The following DDI2 variants were observed in gnomAD, a reference collection of about 807,000 sequenced individuals.
DDI2 encodes protein DDI1 homolog 2.
A neutral mutation model predicts 48.1 loss-of-function variants in DDI2; 5 were observed. That is an observed-to-expected ratio of 0.10 (90% CI 0.05 to 0.22). The LOEUF (loss-of-function observed/expected upper bound fraction) is 0.22, where lower values mean the gene tolerates loss of function less well. Among genes scored for constraint, DDI2 ranks in the 10% least tolerant of loss-of-function variants. The pLI is 1.00. For missense variants in DDI2, 285 were observed against 506.2 expected, an observed-to-expected ratio of 0.56 and a Z score of 4.19; for synonymous variants, 205 against 183.6, an observed-to-expected ratio of 1.12 and a Z score of -0.94.
intron 8 of DDI2, among the ~76,000 whole-genome samples, chr1:15,652,146 T>C (rs369593050): frequency 3.3e-4 from 49 of 148,752 alleles, no homozygotes; most frequent in African/African-American, 1.1e-3. Flanking sequence ...ATGATTGTAG[T>C]TCACTGCACC....
intron 1 of DDI2, among the ~76,000 whole-genome samples, chr1:15,622,904 G>C (rs1379990145): frequency 1.3e-5 from 2 of 152,168 alleles, no homozygotes; most frequent in East Asian, 3.8e-4. Flanking sequence ...CTGCTGCTTC[G>C]TCAGTGTGAG....
At chr1:15,651,962 A>G (rs1640190321) in intron 8 of DDI2, 67 bp downstream of exon 8, 3 of 1,503,134 alleles carry the variant, frequency 2.0e-6, no homozygotes, top group African/African-American at 1.4e-5. Flanking sequence ...TGTGGGCTTC[A>G]GAAGGGGTAG....
chr1:15,655,118 G>GTCC (rs1640252107), intron 8 of DDI2, among the ~76,000 whole-genome samples: 1 of 152,110 alleles, frequency 6.6e-6, no homozygotes, highest in Non-Finnish European at 1.5e-5. Flanking sequence ...GCTTAGTGAA[G>GTCC]GGGATGTACC....
chr1:15,638,167 G>A (rs180770234), intron 4 of DDI2, 140 bp from the exon 5 acceptor site: 1 of 1,171,668 alleles, frequency 8.5e-7, no homozygotes, highest in African/African-American at 1.6e-5. Flanking sequence ...GCCCCATATA[G>A]CACCAATTTT....
Position 15,643,578 on chromosome 1 carries a change from C to T in DDI2, c.817C>T (p.Leu273=). ...TGCAGAAAGGTGTAACATAATGAGA[C>T]TGGTGGACCGTCGGTGGGCAGGGAT... is the stretch of plus-strand genomic sequence containing the variant. ...ACAERCNIMR[L]VDRRWAGIAK... The change falls in exon 6 of 10, where the codon CTG becomes TTG. Residue 273 remains leucine (L), a synonymous_variant. Coordinates refer to ENST00000480945, the MANE Select transcript of DDI2 (RefSeq NM_032341.5). 2 of 1,614,154 alleles carry T rather than the reference C, an allele frequency of 1.2e-6. No homozygotes were observed. Among genetic ancestry groups the T allele is most frequent in the Middle Eastern group, 1.6e-4 (1 of 6,062 alleles).
chr1:15,645,033 G>A (rs372268155), intron 6 of DDI2, among the ~76,000 whole-genome samples: 1 of 152,226 alleles, frequency 6.6e-6, no homozygotes, highest in Non-Finnish European at 1.5e-5. Context: ...CGGGTCACAG[G>A]CGTGCACCAC....
chr1:15,650,693 A>C (rs1640164096), intron 7 of DDI2, among the ~76,000 whole-genome samples: 1 of 152,210 alleles, frequency 6.6e-6, no homozygotes, highest in Admixed American at 6.5e-5. Context: ...GTGCCACTAC[A>C]CTTCAGCCTG....
chr1:15,638,724 G>A (rs1639963639), intron 5 of DDI2, among the ~76,000 whole-genome samples: 1 of 151,832 alleles, frequency 6.6e-6, no homozygotes. Flanking sequence ...TAGTAGAGAT[G>A]GGGTTTCACC....
intron 5 of DDI2, among the ~76,000 whole-genome samples, chr1:15,640,015 CG>C (rs201856875): frequency 2.7e-5 from 4 of 146,334 alleles, no homozygotes; most frequent in Admixed American, 6.8e-5. Flanking sequence ...ACCCTGCCTT[CG>C]GGGGAAAAAA....
At chr1:15,626,648 G>C (rs1383412383) in intron 1 of DDI2, 21 bp from the exon 2 acceptor site, 1 of 1,613,996 alleles carries the variant, frequency 6.2e-7, no homozygotes, top group Non-Finnish European at 8.5e-7. Context: ...TTATACTGTT[G>C]TATATCTTTT....
At chr1:15,633,398 AAT>A (rs1320000989) in intron 3 of DDI2, 39 bp from the exon 4 acceptor site, 1 of 1,604,042 alleles carries the variant, frequency 6.2e-7, no homozygotes. Context: ...AAACGTTGAA[AAT>A]ATAGTGATAT....
At chr1:15,625,825 G>A (rs974279546) in intron 1 of DDI2, among the ~76,000 whole-genome samples, 1 of 152,158 alleles carries the variant, frequency 6.6e-6, no homozygotes, top group Non-Finnish European at 1.5e-5. Context: ...CACCATGTTG[G>A]CCAGGCTGGT....
At position 15,640,478 on chromosome 1, in the gene DDI2, G is replaced by A. The variant is rs761637057; in HGVS notation, c.760+2044G>A. ...TGGTGGGCTTTGGATTCAGCCCCAG[G>A]TCCCCTTGATGCCAGAAATCTCAAC... On this transcript the variant is annotated intron_variant, in intron 5 of 9. Coordinates refer to ENST00000480945, the MANE Select transcript of DDI2 (RefSeq NM_032341.5). Among the ~76,000 whole-genome samples, 21 of 152,182 alleles carry A rather than the reference G, an allele frequency of 1.4e-4. 1 individual carries two copies. Among genetic ancestry groups the A allele is most frequent in the Non-Finnish European group, 2.1e-4 (14 of 68,038 alleles).
At chr1:15,625,730 T>C (rs187771864) in intron 1 of DDI2, among the ~76,000 whole-genome samples, 1 of 152,310 alleles carries the variant, frequency 6.6e-6, no homozygotes, top group Non-Finnish European at 1.5e-5. Flanking sequence ...GCAATTCTCC[T>C]GCCACAGCCT....
rs755568595 is a variant in DDI2 at position 15,660,612 on chromosome 1, T to C, written c.*822T>C. ...GTGGCTGCTCAAATTCAGAAACATT[T>C]ATGGAAATCGATACAGCTCAACAGT... On this transcript the variant is annotated 3_prime_UTR_variant, in exon 10 of 10. Transcript: ENST00000480945. 1.2e-6 allele frequency: 2 copies of C among 1,614,078 alleles called. No homozygotes were observed. The highest frequency in any genetic ancestry group is 1.7e-5 in the Admixed American group (1 of 60,006).
chr1:15,626,335 G>A (rs1247762434), intron 1 of DDI2, among the ~76,000 whole-genome samples: 2 of 152,204 alleles, frequency 1.3e-5, no homozygotes, highest in Admixed American at 6.5e-5. Context: ...AAAGAGTAAT[G>A]TTTGATCAGA....
At chr1:15,638,078 G>T (rs1308785654) in intron 4 of DDI2, among the ~76,000 whole-genome samples, 1 of 152,136 alleles carries the variant, frequency 6.6e-6, no homozygotes, top group African/African-American at 2.4e-5. Context: ...GCGGCTTAGT[G>T]TTTTACAAAG....
intron 6 of DDI2, among the ~76,000 whole-genome samples, chr1:15,646,203 T>G (rs976868673): frequency 1.3e-5 from 2 of 152,238 alleles, no homozygotes; most frequent in African/African-American, 2.4e-5. Flanking sequence ...CTCTGCGGCC[T>G]TCCCGCCAGC....
intron 1 of DDI2, among the ~76,000 whole-genome samples, chr1:15,622,759 T>G (rs987771787): frequency 6.6e-6 from 1 of 152,226 alleles, no homozygotes; most frequent in African/African-American, 2.4e-5. Flanking sequence ...TTTGGGACTT[T>G]TGCTGCAAAA....
Sources: allele counts gnomAD v4.1 joint callset (sites outside exome capture counted in the v4.1 genomes callset), GRCh38; gene constraint gnomAD v4.1.1; transcripts MANE v1.5; gene names NCBI Gene and HGNC (gene_info 2026-07-23, HGNC 2026-07-21).